The following GABRB2 variants were observed in gnomAD, a reference collection of about 807,000 sequenced individuals.
GABRB2 encodes gamma-aminobutyric acid receptor subunit beta-2.
In GABRB2, 16 loss-of-function variants were observed where a neutral mutation model predicts 54.7. The observed-to-expected ratio is 0.29, with a 90% CI of 0.20 to 0.44. The LOEUF is 0.44. Ranked by LOEUF, GABRB2 falls within the 20% of genes least tolerant of loss-of-function variation. GABRB2 has a pLI of 1.00. For missense variants in GABRB2, 355 were observed against 644.0 expected (o/e 0.55, Z 4.86); for synonymous variants, 244 against 233.8 (o/e 1.04, Z -0.40).
intron 5 of GABRB2, among the ~76,000 whole-genome samples, chr5:161,348,991 C>A (rs918447442): frequency 6.6e-6 from 1 of 152,210 alleles, no homozygotes; most frequent in Non-Finnish European, 1.5e-5. Context: ...GAATTGCCAA[C>A]TCTCTTCATA....
intron 9 of GABRB2, among the ~76,000 whole-genome samples, chr5:161,299,485 T>C (rs888353596): frequency 1.3e-5 from 2 of 152,122 alleles, no homozygotes; most frequent in African/African-American, 4.8e-5. Context: ...TAAGAGGAGA[T>C]GCTAATTTGG....
intron 5 of GABRB2, among the ~76,000 whole-genome samples, chr5:161,407,467 T>C (rs991506789): frequency 2.6e-5 from 4 of 152,092 alleles, no homozygotes; most frequent in Non-Finnish European, 5.9e-5. Flanking sequence ...TTCTAAATTA[T>C]ACTTGGCAGC....
At chr5:161,331,249 C>T (rs987319303) in intron 7 of GABRB2, 122 bp from the exon 8 acceptor site, 2 of 1,176,596 alleles carry the variant, frequency 1.7e-6, no homozygotes, top group Non-Finnish European at 2.4e-6. Flanking sequence ...ATTTATTGGG[C>T]CTTTACTATT....
rs866868103 is a variant in GABRB2, at chr5:161,336,814, C to A, written c.542-45G>T. The A allele has an allele frequency of 0.018, 20,326 of 1,103,048 alleles. 159 individuals are homozygous for A. The highest frequency in any genetic ancestry group is 0.085 in the African/African-American group (4,569 of 53,848). 68.3% of individuals were successfully genotyped at this position (1,103,048 alleles called of 1,614,324 possible). On this transcript the variant is annotated intron_variant, in intron 5 of 9. Coordinates refer to ENST00000393959, the MANE Select transcript of GABRB2 (RefSeq NM_001371727.1). ...CACACACACACACAAATACAGAAAA[C>A]AAAAAAAAAAAAACAGACAAAACAG...
At chr5:161,334,624 A>T in intron 7 of GABRB2, 128 bp downstream of exon 7, 1 of 849,788 alleles carries the variant, frequency 1.2e-6, no homozygotes. Flanking sequence ...TCATAGCGAA[A>T]CTCTTACAGT....
intron 2 of GABRB2, 54 bp from the exon 3 acceptor site, chr5:161,545,348 G>T: frequency 1.4e-6 from 2 of 1,404,588 alleles, no homozygotes; most frequent in Non-Finnish European, 2.0e-6. Context: ...TTCATTCTCA[G>T]CAAGAGTTAT....
At chr5:161,338,933 C>T (rs1167277165) in intron 5 of GABRB2, among the ~76,000 whole-genome samples, 1 of 152,146 alleles carries the variant, frequency 6.6e-6, no homozygotes, top group Admixed American at 6.6e-5. Flanking sequence ...AATCCTGAGA[C>T]ATGAGATGCC....
At position 161,334,788 on chromosome 5, in the gene GABRB2, T is replaced by C; in HGVS notation, c.796A>G (p.Ile266Val). Residue 266 changes from isoleucine to valine, a missense_variant, in exon 7 of 10, where the codon ATT (isoleucine) becomes GTT (valine). Ile to Val is a conservative substitution (Grantham distance 29). Transcript: ENST00000393959. ...CTTGCAGCTGAAGCATCGTAATTAA[T>C]CCAGAAGGAGACCCAGGAGAGGATG... is the stretch of plus-strand genomic sequence containing the variant. Reference protein sequence around the residue: ...ITILSWVSFWINYDASAARVA... With the variant: ...ITILSWVSFWVNYDASAARVA... 1 of 1,613,910 alleles carries C rather than the reference T, an allele frequency of 6.2e-7. No individual in the cohort carries two copies. The highest frequency in any genetic ancestry group is 8.5e-7 in the Non-Finnish European group (1 of 1,179,886).
intron 9 of GABRB2, among the ~76,000 whole-genome samples, chr5:161,305,116 A>T (rs1757650555): frequency 1.4e-5 from 2 of 142,752 alleles, no homozygotes; most frequent in Admixed American, 1.6e-4. Flanking sequence ...TCCCGGGTTC[A>T]CGCCATTCTC....
At chr5:161,531,637 C>T (rs1040282484) in intron 3 of GABRB2, among the ~76,000 whole-genome samples, 4 of 151,738 alleles carry the variant, frequency 2.6e-5, no homozygotes, top group African/African-American at 9.7e-5. Context: ...TGTTACATAC[C>T]TATGATCCAA....
At chr5:161,506,741 G>C (rs1759617063) in intron 3 of GABRB2, among the ~76,000 whole-genome samples, 1 of 152,052 alleles carries the variant, frequency 6.6e-6, no homozygotes, top group African/African-American at 2.4e-5. Context: ...TGGAAAAAGA[G>C]ACAAGTAGAG....
chr5:161,387,778 A>C (rs182163318), intron 5 of GABRB2, among the ~76,000 whole-genome samples: 2 of 152,222 alleles, frequency 1.3e-5, no homozygotes, highest in African/African-American at 2.4e-5. Flanking sequence ...TATATTTAAA[A>C]ACTTAGCTTA....
At chr5:161,429,463 A>T (rs552681204) in intron 4 of GABRB2, among the ~76,000 whole-genome samples, 1 of 152,112 alleles carries the variant, frequency 6.6e-6, no homozygotes, top group South Asian at 2.1e-4. Context: ...GTGATGAAAG[A>T]TATACCAGAT....
intron 3 of GABRB2, among the ~76,000 whole-genome samples, chr5:161,500,349 G>A (rs1347669709): frequency 1.3e-5 from 2 of 151,984 alleles, no homozygotes; most frequent in African/African-American, 4.8e-5. Context: ...AAAACAGATG[G>A]CTGGAGTGGA....
At chr5:161,546,487 T>A (rs1350244564) in intron 1 of GABRB2, 74 bp from the exon 2 acceptor site, 6 of 1,568,776 alleles carry the variant, frequency 3.8e-6, no homozygotes, top group Non-Finnish European at 5.3e-6. Context: ...GGATCCCTAC[T>A]ACATTTCCCT....
intron 5 of GABRB2, among the ~76,000 whole-genome samples, chr5:161,403,159 G>A (rs374687859): frequency 2.6e-5 from 4 of 152,248 alleles, no homozygotes; most frequent in East Asian, 1.9e-4. Context: ...TGGGGGCTGC[G>A]TAGCTCCTAA....
intron 3 of GABRB2, among the ~76,000 whole-genome samples, chr5:161,535,618 C>T (rs893335637): frequency 2.6e-5 from 4 of 152,190 alleles, no homozygotes; most frequent in African/African-American, 9.7e-5. Flanking sequence ...CATTTAACCT[C>T]TCTGGGCCTC....
chr5:161,472,837 T>A (rs1758484204), intron 3 of GABRB2, among the ~76,000 whole-genome samples: 1 of 151,966 alleles, frequency 6.6e-6, no homozygotes, highest in African/African-American at 2.4e-5. Context: ...AAGATTCTTT[T>A]CGGCAGAATG....
intron 5 of GABRB2, among the ~76,000 whole-genome samples, chr5:161,352,341 A>G (rs760896396): frequency 1.3e-5 from 2 of 152,064 alleles, no homozygotes; most frequent in Non-Finnish European, 2.9e-5. Context: ...AAAATTTGGT[A>G]TATATACCTA....
Sources: allele counts gnomAD v4.1 joint callset (sites outside exome capture counted in the v4.1 genomes callset), GRCh38; gene constraint gnomAD v4.1.1; transcripts MANE v1.5; gene names NCBI Gene and HGNC (gene_info 2026-07-23, HGNC 2026-07-21).